SUPT3H: variants seen among roughly 807,000 people sequenced by gnomAD.
SUPT3H encodes the protein transcription initiation protein SPT3 homolog.
In SUPT3H, 44 loss-of-function variants were observed where a neutral mutation model predicts 44.3. The observed-to-expected ratio is 0.99, with a 90% CI of 0.78 to 1.28. The LOEUF is 1.28. SUPT3H is among the 50% of genes most tolerant of loss of function. The pLI, the probability that SUPT3H is intolerant of heterozygous loss-of-function variation, is 0.00. For synonymous variants in SUPT3H, 124 were observed against 125.6 expected (o/e 0.99, Z 0.09); for missense variants, 380 against 387.1 (o/e 0.98, Z 0.15).
intron 2 of SUPT3H, among the ~76,000 whole-genome samples, chr6:45,140,293 T>A (rs1011509980): frequency 6.6e-6 from 1 of 152,010 alleles, no homozygotes; most frequent in African/African-American, 2.4e-5. Context: ...CCCACACCAG[T>A]AGCCAAACAC....
At chr6:44,912,695 CT>C (rs1562031262) in intron 10 of SUPT3H, among the ~76,000 whole-genome samples, 2 of 152,128 alleles carry the variant, frequency 1.3e-5, no homozygotes, top group Middle Eastern at 3.2e-3. Context: ...CCTAAAGCAC[CT>C]AGAACCAATG....
intron 10 of SUPT3H, among the ~76,000 whole-genome samples, chr6:44,889,079 AAGG>A (rs1255471140): frequency 1.5e-4 from 22 of 151,636 alleles, no homozygotes; most frequent in African/African-American, 4.9e-5. Flanking sequence ...GGACCTCTTC[AAGG>A]AGAACTACAA....
At chr6:45,196,785 C>T (rs865884398) in intron 2 of SUPT3H, among the ~76,000 whole-genome samples, 5 of 151,728 alleles carry the variant, frequency 3.3e-5, no homozygotes, top group African/African-American at 9.7e-5. Context: ...AATTATTAGG[C>T]ATTTGGTTCC....
At chr6:45,018,036 T>C (rs1266692215) in intron 4 of SUPT3H, among the ~76,000 whole-genome samples, 2 of 152,108 alleles carry the variant, frequency 1.3e-5, no homozygotes, top group African/African-American at 2.4e-5. Context: ...CAATGGTTTG[T>C]AGTTCTCCTT....
Position 45,184,632 on chromosome 6 carries a change from A to T in SUPT3H, c.102-78626T>A, listed in dbSNP as rs1181008595. On this transcript the variant is annotated intron_variant, in intron 2 of 10. Transcript: ENST00000371459. ...AGCACAGGACATCGCTGAAAGGTAG[A>T]AAAAAAGAAGGCTGGCTGCCTAGGG... 8.5e-5 allele frequency among the ~76,000 whole-genome samples: 13 copies of T among 152,062 alleles called. No individual in the cohort carries two copies. The East Asian group carries it at 9.7e-4, about 11-fold the overall frequency.
At chr6:45,092,180 C>T (rs1797205182) in intron 3 of SUPT3H, among the ~76,000 whole-genome samples, 1 of 151,940 alleles carries the variant, frequency 6.6e-6, no homozygotes, top group Admixed American at 6.6e-5. Flanking sequence ...TGGTCCTTTC[C>T]ATTCCATTTT....
chr6:44,865,930 G>C (rs1169988909), intron 10 of SUPT3H, among the ~76,000 whole-genome samples: 2 of 152,178 alleles, frequency 1.3e-5, no homozygotes, highest in Non-Finnish European at 2.9e-5. Flanking sequence ...CTAAAATACA[G>C]ACAGGAAGCA....
intron 2 of SUPT3H, among the ~76,000 whole-genome samples, chr6:45,325,702 A>C (rs1224206715): frequency 6.6e-6 from 1 of 151,826 alleles, no homozygotes; most frequent in Admixed American, 6.6e-5. Flanking sequence ...CCATGGTATA[A>C]ATCTATAATC....
chr6:44,984,933 G>A (rs1200435483), intron 6 of SUPT3H, among the ~76,000 whole-genome samples: 4 of 151,862 alleles, frequency 2.6e-5, no homozygotes. Context: ...GTATTCATCT[G>A]TAATACTAGT....
At chr6:45,068,978 A>G (rs1198236379) in intron 3 of SUPT3H, among the ~76,000 whole-genome samples, 1 of 134,966 alleles carries the variant, frequency 7.4e-6, no homozygotes, top group Non-Finnish European at 1.7e-5. Flanking sequence ...TTTACTTTGC[A>G]AAAAAAAAAA....
chr6:45,070,025 C>T (rs1794131337), intron 3 of SUPT3H, among the ~76,000 whole-genome samples: 1 of 152,146 alleles, frequency 6.6e-6, no homozygotes, highest in East Asian at 1.9e-4. Context: ...GCAGAGCCAT[C>T]AGATCAATGC....
intron 2 of SUPT3H, among the ~76,000 whole-genome samples, chr6:45,310,753 C>T (rs866002751): frequency 1.1e-4 from 16 of 152,172 alleles, no homozygotes; most frequent in Non-Finnish European, 2.1e-4. Context: ...AAGGGAACCC[C>T]CTGTGGGACA....
intron 3 of SUPT3H, among the ~76,000 whole-genome samples, chr6:45,035,642 G>A (rs1237143531): frequency 2.6e-5 from 4 of 152,016 alleles, no homozygotes; most frequent in Admixed American, 1.3e-4. Context: ...TGCCACAGTC[G>A]TAGGTATGAA....
At chr6:45,070,374 C>A (rs1421831845) in intron 3 of SUPT3H, among the ~76,000 whole-genome samples, 1 of 152,124 alleles carries the variant, frequency 6.6e-6, no homozygotes, top group Non-Finnish European at 1.5e-5. Context: ...CAGGATCCAA[C>A]CTAATCTTAT....
chr6:45,285,107 C>T (rs1778984752), intron 2 of SUPT3H, among the ~76,000 whole-genome samples: 1 of 151,616 alleles, frequency 6.6e-6, no homozygotes, highest in South Asian at 2.1e-4. Context: ...ATAATAAGAG[C>T]TATCTATGAC....
intron 3 of SUPT3H, among the ~76,000 whole-genome samples, chr6:45,082,880 G>C (rs1279636866): frequency 1.3e-5 from 2 of 151,982 alleles, no homozygotes; most frequent in East Asian, 3.9e-4. Flanking sequence ...AAACCCTAAA[G>C]ACCTGACCAG....
chr6:45,188,177 G>A (rs2153617035), intron 2 of SUPT3H, among the ~76,000 whole-genome samples: 1 of 152,324 alleles, frequency 6.6e-6, no homozygotes, highest in South Asian at 2.1e-4. Flanking sequence ...GACGCCAAAG[G>A]GCAACAGCAG....
intron 10 of SUPT3H, among the ~76,000 whole-genome samples, chr6:44,919,685 A>G (rs1310100705): frequency 2.0e-5 from 3 of 152,090 alleles, no homozygotes; most frequent in Admixed American, 6.6e-5. Flanking sequence ...TCTCTCACTC[A>G]GGGTCTTATT....
intron 2 of SUPT3H, chr6:45,321,913 C>T (rs758081555): frequency 2.1e-5 from 28 of 1,332,202 alleles, no homozygotes; most frequent in Admixed American, 1.2e-4. Context: ...ATTGTAATCT[C>T]ACCTTAGATG....
Sources: gnomAD v4.1 joint callset for allele counts (sites outside exome capture counted in the v4.1 genomes callset) on GRCh38, gnomAD v4.1.1 for gene constraint, MANE v1.5 for transcripts, NCBI Gene and HGNC (gene_info 2026-07-23, HGNC 2026-07-21) for gene names.